Variants in CNBD1 observed in about 807,000 individuals in gnomAD.
The protein encoded by CNBD1 is cyclic nucleotide binding domain containing 1.
In CNBD1, 71 loss-of-function variants were observed where a neutral mutation model predicts 54.4. That is an observed-to-expected ratio of 1.30 (90% CI 1.08 to 1.59). CNBD1 has a LOEUF of 1.59. Ranked by LOEUF, CNBD1 falls within the 40% of genes most tolerant of loss-of-function variation. CNBD1 has a pLI of 0.00. For missense variants in CNBD1, 659 were observed against 518.0 expected (o/e 1.27, Z -2.64); for synonymous variants, 182 against 170.7 (o/e 1.07, Z -0.51).
chr8:87,222,595 C>G (rs1052473048), intron 5 of CNBD1, among the ~76,000 whole-genome samples: 1 of 152,130 alleles, frequency 6.6e-6, no homozygotes, highest in African/African-American at 2.4e-5. Flanking sequence ...TGACCTTATT[C>G]ATCCAATTAT....
intron 8 of CNBD1, among the ~76,000 whole-genome samples, chr8:87,293,452 G>T (rs1808821533): frequency 6.6e-6 from 1 of 152,098 alleles, no homozygotes; most frequent in Non-Finnish European, 1.5e-5. Context: ...GCTGAGGCAG[G>T]AGAATCTCTT....
intron 2 of CNBD1, among the ~76,000 whole-genome samples, chr8:87,417,456 G>T (rs1563594309): frequency 6.6e-6 from 1 of 151,964 alleles, no homozygotes; most frequent in African/African-American, 2.4e-5. Flanking sequence ...GGAAATAAAA[G>T]GGAATTTCCT....
intron 4 of CNBD1, among the ~76,000 whole-genome samples, chr8:87,021,276 ATT>A (rs34040305): frequency 6.7e-6 from 1 of 150,168 alleles, no homozygotes; most frequent in Non-Finnish European, 1.5e-5. Flanking sequence ...AATGTTAAAT[ATT>A]TTTTTTTTAT....
intron 2 of CNBD1, among the ~76,000 whole-genome samples, chr8:87,425,878 C>T (rs1166122079): frequency 6.6e-6 from 1 of 152,148 alleles, no homozygotes; most frequent in Non-Finnish European, 1.5e-5. Flanking sequence ...CTTTGTTTAC[C>T]TAATCAAGCC....
At chr8:86,985,616 A>C (rs1808588700) in intron 4 of CNBD1, among the ~76,000 whole-genome samples, 1 of 152,192 alleles carries the variant, frequency 6.6e-6, no homozygotes, top group Non-Finnish European at 1.5e-5. Context: ...TGTGTACTAC[A>C]TTTCCTTTAA....
In CNBD1 at chr8:86,914,217, T is replaced by C. The variant is rs148955875; in HGVS notation, c.272+9023T>C. Among the ~76,000 whole-genome samples, 779 of 152,258 alleles carry C rather than the reference T, an allele frequency of 5.1e-3. 7 individuals are homozygous for C. The highest frequency in any genetic ancestry group is 0.018 in the African/African-American group (752 of 41,562). On this transcript the variant is annotated intron_variant, in intron 3 of 10. Transcript: ENST00000518476. The stretch of plus-strand genomic sequence containing the variant: ...TTATGCAGATGACAGGATTAAGAGA[T>C]TAAAATAAAGACAGACATAGGAAAT...
intron 4 of CNBD1, among the ~76,000 whole-genome samples, chr8:87,019,827 G>A (rs893655801): frequency 1.3e-5 from 2 of 152,044 alleles, no homozygotes; most frequent in African/African-American, 4.8e-5. Flanking sequence ...GCAGTGAGCC[G>A]AGATTGCGCC....
chr8:87,093,980 G>T (rs1811268142), intron 4 of CNBD1, among the ~76,000 whole-genome samples: 1 of 152,134 alleles, frequency 6.6e-6, no homozygotes, highest in South Asian at 2.1e-4. Context: ...AACTATTAAA[G>T]TAATGGCTGG....
chr8:87,131,403 C>T (rs2130726823), intron 4 of CNBD1, among the ~76,000 whole-genome samples: 2 of 152,150 alleles, frequency 1.3e-5, no homozygotes, highest in East Asian at 3.9e-4. Flanking sequence ...ACTTTTCACA[C>T]CCCACTGGGA....
At chr8:87,048,935 T>G (rs1248944903) in intron 4 of CNBD1, among the ~76,000 whole-genome samples, 1 of 152,132 alleles carries the variant, frequency 6.6e-6, no homozygotes, top group African/African-American at 2.4e-5. Flanking sequence ...CCCACCTAGG[T>G]GAAAGGTTTG....
chr8:87,410,089 A>G (rs62528172), intron 2 of CNBD1, among the ~76,000 whole-genome samples: 6,643 of 152,150 alleles, frequency 0.044, 186 homozygotes, highest in Non-Finnish European at 0.06. Context: ...AAAAGCCTGG[A>G]TGACAGCCCA....
intron 4 of CNBD1, among the ~76,000 whole-genome samples, chr8:87,071,636 A>G (rs1810761394): frequency 6.6e-6 from 1 of 151,982 alleles, no homozygotes; most frequent in African/African-American, 2.4e-5. Flanking sequence ...GAATGAATAT[A>G]TTAATCTTGA....
intron 8 of CNBD1, among the ~76,000 whole-genome samples, chr8:87,289,774 A>G (rs1192695467): frequency 2.0e-5 from 3 of 152,150 alleles, no homozygotes; most frequent in Admixed American, 1.3e-4. Context: ...CATAGGCTCT[A>G]CATCCCTTCA....
chr8:86,933,506 A>G (rs1052272463), intron 3 of CNBD1, among the ~76,000 whole-genome samples: 2 of 152,204 alleles, frequency 1.3e-5, no homozygotes, highest in African/African-American at 4.8e-5. Context: ...CTTCATTTCT[A>G]TAAAGTTTAA....
chr8:86,936,165 C>A (rs76031299), intron 3 of CNBD1, among the ~76,000 whole-genome samples: 221 of 152,124 alleles, frequency 1.5e-3, no homozygotes, highest in African/African-American at 5.1e-3. Flanking sequence ...CAATATATTT[C>A]TTTCTAATTT....
At chr8:86,933,872 A>G (rs569662480) in intron 3 of CNBD1, among the ~76,000 whole-genome samples, 122 of 152,278 alleles carry the variant, frequency 8.0e-4, no homozygotes, top group African/African-American at 2.4e-3. Flanking sequence ...TAACAATCCA[A>G]TTGAGTACAT....
intron 4 of CNBD1, among the ~76,000 whole-genome samples, chr8:86,957,784 T>C (rs1232491414): frequency 1.3e-5 from 2 of 152,162 alleles, no homozygotes; most frequent in African/African-American, 2.4e-5. Context: ...AAACCAGCTC[T>C]GGGTTCATCG....
At chr8:86,941,006 A>G (rs1809645652) in intron 4 of CNBD1, among the ~76,000 whole-genome samples, 1 of 152,258 alleles carries the variant, frequency 6.6e-6, no homozygotes, top group Non-Finnish European at 1.5e-5. Flanking sequence ...TGATGTTTAC[A>G]GAATGACAAA....
At chr8:86,975,424 T>A (rs1268534174) in intron 4 of CNBD1, among the ~76,000 whole-genome samples, 1 of 152,046 alleles carries the variant, frequency 6.6e-6, no homozygotes, top group Non-Finnish European at 1.5e-5. Context: ...ACCATTCTAC[T>A]GTCTACTTAT....
Sources: allele counts gnomAD v4.1 joint callset (sites outside exome capture counted in the v4.1 genomes callset), GRCh38; gene constraint gnomAD v4.1.1; transcripts MANE v1.5; gene names NCBI Gene and HGNC (gene_info 2026-07-23, HGNC 2026-07-21).